Variants in CPED1 observed in about 807,000 individuals in gnomAD.
CPED1 encodes cadherin like and PC-esterase domain containing 1.
A neutral mutation model predicts 128.2 loss-of-function variants in CPED1; 114 were observed. The observed-to-expected ratio is 0.89, with a 90% CI of 0.76 to 1.04. The LOEUF (loss-of-function observed/expected upper bound fraction) is 1.04. Ranked by LOEUF, CPED1 falls within the 50% of genes least tolerant of loss-of-function variation. The pLI is 0.00. For synonymous variants in CPED1, 462 were observed against 426.7 expected, an observed-to-expected ratio of 1.08 and a Z score of -1.02; for missense variants, 1,211 against 1,207.1, an observed-to-expected ratio of 1.00 and a Z score of -0.05.
rs1193182104 is a variant in CPED1 at position 121,244,297 on chromosome 7, C to G, written c.2269C>G (p.Leu757Val). 1.2e-6 allele frequency: 2 copies of G among 1,613,984 alleles called. No individual in the cohort carries two copies. The highest frequency in any genetic ancestry group is 3.3e-5 in the Admixed American group (2 of 60,002). ...WQPHNCQYGV[L>V]TKPQLQQCLG... ...GCCCCACAACTGCCAATATGGTGTC[C>G]TAACTAAGCCTCAACTCCAGCAGTG... Residue 757 changes from leucine (L) to valine (V), a missense_variant, in exon 18 of 23, where the codon CTA becomes GTA. Coordinates refer to ENST00000310396, the MANE Select transcript of CPED1 (RefSeq NM_024913.5).
chr7:121,078,498 G>GAAAAAAAAAA (rs529856618), intron 5 of CPED1, among the ~76,000 whole-genome samples: 5 of 101,922 alleles, frequency 4.9e-5, no homozygotes, highest in Non-Finnish European at 5.6e-5. Flanking sequence ...AAGAAAGAAA[G>GAAAAAAAAAA]AAAAAAAAAA....
chr7:121,174,279 G>A (rs1407572954), intron 16 of CPED1, among the ~76,000 whole-genome samples: 4 of 151,978 alleles, frequency 2.6e-5, no homozygotes, highest in Non-Finnish European at 4.4e-5. Flanking sequence ...TGGCATCTTC[G>A]TCATAAAATA....
intron 4 of CPED1, among the ~76,000 whole-genome samples, chr7:121,060,149 C>T (rs1463313145): frequency 1.3e-5 from 2 of 152,228 alleles, no homozygotes; most frequent in Non-Finnish European, 2.9e-5. Context: ...GGTCCCCCAG[C>T]AGTGCCAGCC....
intron 16 of CPED1, among the ~76,000 whole-genome samples, chr7:121,153,896 AG>A (rs1796218522): frequency 6.6e-6 from 1 of 152,232 alleles, no homozygotes; most frequent in Non-Finnish European, 1.5e-5. Context: ...AGAAAAAGTT[AG>A]GTATGTCATT....
chr7:121,240,136 A>AATC (rs1798355908), intron 17 of CPED1, among the ~76,000 whole-genome samples: 1 of 152,214 alleles, frequency 6.6e-6, no homozygotes, highest in Non-Finnish European at 1.5e-5. Context: ...CACTGGGGCC[A>AATC]AGTTTTCAGA....
At chr7:121,128,570 C>G in intron 11 of CPED1, 84 bp downstream of exon 11, 2 of 736,350 alleles carry the variant, frequency 2.7e-6, no homozygotes, top group East Asian at 2.5e-5. Flanking sequence ...TGACATCAAA[C>G]TAGATTAAGT....
chr7:121,269,389 C>T (rs1584644672), intron 21 of CPED1, among the ~76,000 whole-genome samples: 1 of 152,150 alleles, frequency 6.6e-6, no homozygotes, highest in Middle Eastern at 3.4e-3. Flanking sequence ...TTCTTTATCT[C>T]ATCCACTTTT....
intron 7 of CPED1, among the ~76,000 whole-genome samples, chr7:121,120,459 C>A (rs1464553538): frequency 6.6e-6 from 1 of 152,078 alleles, no homozygotes; most frequent in Non-Finnish European, 1.5e-5. Flanking sequence ...TACCAACATT[C>A]CCTGATATGA....
intron 16 of CPED1, among the ~76,000 whole-genome samples, chr7:121,169,179 G>A (rs1796597847): frequency 6.6e-6 from 1 of 152,122 alleles, no homozygotes; most frequent in South Asian, 2.1e-4. Context: ...CCGAGTCACT[G>A]TATTTTATAA....
intron 18 of CPED1, among the ~76,000 whole-genome samples, chr7:121,265,457 G>A (rs1403341270): frequency 1.3e-5 from 2 of 152,102 alleles, no homozygotes; most frequent in African/African-American, 4.8e-5. Flanking sequence ...ATATGTGAGA[G>A]GAACCTGTAG....
At chr7:120,993,437 C>A (rs919186139) in intron 2 of CPED1, among the ~76,000 whole-genome samples, 7 of 152,182 alleles carry the variant, frequency 4.6e-5, no homozygotes, top group Non-Finnish European at 8.8e-5. Flanking sequence ...TTTCCCATGT[C>A]TTCTTGACCC....
At chr7:121,036,605 G>A (rs190838748) in intron 3 of CPED1, among the ~76,000 whole-genome samples, 24 of 151,496 alleles carry the variant, frequency 1.6e-4, no homozygotes, top group African/African-American at 5.6e-4. Context: ...AAACATGCTT[G>A]TGTAAGTATC....
intron 16 of CPED1, among the ~76,000 whole-genome samples, chr7:121,156,309 C>T (rs1796280803): frequency 7.8e-6 from 1 of 128,980 alleles, no homozygotes; most frequent in Non-Finnish European, 1.7e-5. Context: ...AATAGAACTA[C>T]CAGATGATCC....
chr7:121,089,975 C>T (rs962355107), intron 5 of CPED1, among the ~76,000 whole-genome samples: 5 of 152,004 alleles, frequency 3.3e-5, no homozygotes, highest in South Asian at 2.1e-4. Flanking sequence ...GTCATTGCAG[C>T]GAAATCATAG....
intron 3 of CPED1, among the ~76,000 whole-genome samples, chr7:121,046,419 T>C (rs1424331105): frequency 6.6e-6 from 1 of 152,136 alleles, no homozygotes; most frequent in African/African-American, 2.4e-5. Flanking sequence ...AGTAAATCTA[T>C]GAAAAACAGT....
rs556191288 is a variant in CPED1 at position 121,150,664 on chromosome 7, A to T, written c.2055+8523A>T. 2.0e-5 allele frequency among the ~76,000 whole-genome samples: 3 copies of T among 152,162 alleles called. No homozygotes were observed. In the South Asian group the frequency reaches 6.2e-4, roughly 31 times the overall value. ...AGTGGCTGAGCTAATTTACATTCCC[A>T]CCAACAGCATAAGTATTTCCTTTTC... is the stretch of plus-strand genomic sequence containing the variant. On this transcript the variant is annotated intron_variant, in intron 16 of 22. Transcript: ENST00000310396.
rs1382897298 is a variant in CPED1, at chr7:121,266,207, GCTTTCT to G, written c.2311-15_2311-10del. On this transcript the variant is annotated splice_polypyrimidine_tract_variant and intron_variant, in intron 18 of 22. Transcript: ENST00000310396. ...TGTAAACATAAGCTTTTAAACAAAT[GCTTTCT>G]CTTTAACTTATAGATTCTGTTCATT... is the stretch of plus-strand genomic sequence containing the variant. 1.3e-6 allele frequency: 2 copies of G among 1,574,020 alleles called. No homozygotes were observed. Among genetic ancestry groups the G allele is most frequent in the South Asian group, 1.1e-5 (1 of 90,214 alleles).
chr7:121,027,427 G>A (rs1466563077), intron 3 of CPED1, among the ~76,000 whole-genome samples: 1 of 151,962 alleles, frequency 6.6e-6, no homozygotes, highest in Non-Finnish European at 1.5e-5. Context: ...ACAATTAAAT[G>A]TATATGCAAT....
intron 2 of CPED1, among the ~76,000 whole-genome samples, chr7:121,013,961 G>A (rs1337214596): frequency 1.3e-5 from 2 of 152,214 alleles, no homozygotes; most frequent in African/African-American, 4.8e-5. Flanking sequence ...CATGAACAAT[G>A]CAGGCCTGGC....
Sources: allele counts gnomAD v4.1 joint callset (sites outside exome capture counted in the v4.1 genomes callset), GRCh38; gene constraint gnomAD v4.1.1; transcripts MANE v1.5; gene names NCBI Gene and HGNC (gene_info 2026-07-23, HGNC 2026-07-21).